GOLPH3L: variants seen among roughly 807,000 people sequenced by gnomAD.
The protein encoded by GOLPH3L is golgi phosphoprotein 3 like.
In GOLPH3L, 22 loss-of-function variants were observed where a neutral mutation model predicts 30.3. That is an observed-to-expected ratio of 0.73 (90% CI 0.52 to 1.04). The LOEUF is 1.04. Ranked by LOEUF, GOLPH3L falls within the 50% of genes least tolerant of loss-of-function variation. GOLPH3L has a pLI of 0.00. For synonymous variants in GOLPH3L, 120 were observed against 128.2 expected, an observed-to-expected ratio of 0.94 and a Z score of 0.43; for missense variants, 303 against 345.8, an observed-to-expected ratio of 0.88 and a Z score of 0.98.
chr1:150,670,914 G>A (rs949461971), intron 2 of GOLPH3L, among the ~76,000 whole-genome samples: 2 of 152,040 alleles, frequency 1.3e-5, no homozygotes, highest in Non-Finnish European at 2.9e-5. Context: ...TTACTGATGT[G>A]CATTTAGGTT....
chr1:150,684,070 G>A (rs187052163), intron 2 of GOLPH3L, among the ~76,000 whole-genome samples: 2 of 152,266 alleles, frequency 1.3e-5, no homozygotes, highest in East Asian at 3.9e-4. Context: ...CTTTTGAGAG[G>A]AGGAAATTTG....
At chr1:150,686,339 T>C (rs1571054941) in intron 2 of GOLPH3L, among the ~76,000 whole-genome samples, 1 of 152,146 alleles carries the variant, frequency 6.6e-6, no homozygotes, top group Non-Finnish European at 1.5e-5. Context: ...CTCAACCTCC[T>C]GAGTAGCTGG....
At chr1:150,658,228 G>A (rs951166351) in intron 4 of GOLPH3L, among the ~76,000 whole-genome samples, 1 of 152,192 alleles carries the variant, frequency 6.6e-6, no homozygotes, top group Non-Finnish European at 1.5e-5. Flanking sequence ...ACCCACCTGA[G>A]GGCAGATCAA....
intron 4 of GOLPH3L, among the ~76,000 whole-genome samples, chr1:150,660,744 A>C (rs1484243491): frequency 6.6e-6 from 1 of 152,208 alleles, no homozygotes; most frequent in African/African-American, 2.4e-5. Flanking sequence ...AATTCATAGA[A>C]AAAGAAAGTA....
chr1:150,671,857 A>T (rs1650653787), intron 2 of GOLPH3L, among the ~76,000 whole-genome samples: 1 of 151,606 alleles, frequency 6.6e-6, no homozygotes, highest in Admixed American at 6.6e-5. Flanking sequence ...AACTTAAAGC[A>T]TCATTAAAAA....
chr1:150,650,396 A>G (rs1391556749), intron 4 of GOLPH3L, among the ~76,000 whole-genome samples: 3 of 152,244 alleles, frequency 2.0e-5, no homozygotes, highest in Non-Finnish European at 4.4e-5. Flanking sequence ...CAAATTACCA[A>G]GCAAACAACA....
chr1:150,692,979 T>A (rs1651246699), intron 2 of GOLPH3L, among the ~76,000 whole-genome samples: 1 of 152,216 alleles, frequency 6.6e-6, no homozygotes, highest in Admixed American at 6.5e-5. Flanking sequence ...AAAGAGTATT[T>A]ATATCACCTA....
At chr1:150,667,993 T>C (rs587655046) in intron 2 of GOLPH3L, among the ~76,000 whole-genome samples, 1 of 152,306 alleles carries the variant, frequency 6.6e-6, no homozygotes, top group African/African-American at 2.4e-5. Flanking sequence ...CTCTTTGTAG[T>C]TAAGCGTTAA....
chr1:150,667,823 T>G (rs1279936004), intron 2 of GOLPH3L, among the ~76,000 whole-genome samples: 1 of 152,076 alleles, frequency 6.6e-6, no homozygotes, highest in Non-Finnish European at 1.5e-5. Context: ...CTTGATCTCC[T>G]GACCTCGTGA....
At chr1:150,696,304 G>A (rs1651352686) in intron 1 of GOLPH3L, among the ~76,000 whole-genome samples, 1 of 152,028 alleles carries the variant, frequency 6.6e-6, no homozygotes, top group African/African-American at 2.4e-5. Flanking sequence ...GCCTTGTGAA[G>A]GCCTTTAAGT....
At chr1:150,675,464 C>G (rs955413455) in intron 2 of GOLPH3L, among the ~76,000 whole-genome samples, 1 of 152,016 alleles carries the variant, frequency 6.6e-6, no homozygotes, top group Non-Finnish European at 1.5e-5. Context: ...AACCTATTTT[C>G]CCATCTCCTT....
At chr1:150,668,772 T>G (rs937773394) in intron 2 of GOLPH3L, among the ~76,000 whole-genome samples, 4 of 152,160 alleles carry the variant, frequency 2.6e-5, no homozygotes, top group Non-Finnish European at 5.9e-5. Flanking sequence ...AGCTACCTAA[T>G]TAAAGTTAAA....
intron 2 of GOLPH3L, among the ~76,000 whole-genome samples, chr1:150,665,685 A>T (rs1650484446): frequency 6.6e-6 from 1 of 152,084 alleles, no homozygotes; most frequent in Non-Finnish European, 1.5e-5. Flanking sequence ...TAGCCTCATA[A>T]ATTAGATATC....
chr1:150,683,319 G>A (rs587649548), intron 2 of GOLPH3L, among the ~76,000 whole-genome samples: 16 of 152,030 alleles, frequency 1.1e-4, no homozygotes, highest in Admixed American at 4.6e-4. Flanking sequence ...GGCGGATCAC[G>A]AGGTCAGGAG....
intron 2 of GOLPH3L, among the ~76,000 whole-genome samples, chr1:150,673,871 G>A (rs1255158770): frequency 6.8e-6 from 1 of 146,702 alleles, no homozygotes; most frequent in African/African-American, 2.5e-5. Context: ...GTTGCAGTGA[G>A]CCGAGATTGT....
At chr1:150,668,248 CA>C (rs1166520962) in intron 2 of GOLPH3L, among the ~76,000 whole-genome samples, 1 of 152,178 alleles carries the variant, frequency 6.6e-6, no homozygotes, top group African/African-American at 2.4e-5. Context: ...GTTAACCTGG[CA>C]AAAGTTCAGC....
rs1282388432 is a variant in GOLPH3L at position 150,694,807 on chromosome 1, G to C, written c.32C>G (p.Thr11Ser). ...CTTTTCAGAGTTCTTGCTTATTTCA[G>C]TGCGACGGGCCCGGTGAGTTAAAGT... MTTLTHRARR[T>S]EISKNSEKKM... The change falls in exon 2 of 5, where the codon ACT (threonine) becomes AGT (serine). Residue 11 changes from threonine (T) to serine (S), a missense_variant. By Grantham distance (58) the Thr-to-Ser change is moderately conservative (BLOSUM62 1). Coordinates refer to ENST00000271732, the MANE Select transcript of GOLPH3L (RefSeq NM_018178.6). 3.1e-6 allele frequency: 5 copies of C among 1,612,240 alleles called. No individual in the cohort carries two copies. The highest frequency in any genetic ancestry group is 4.2e-6 in the Non-Finnish European group (5 of 1,179,298).
intron 2 of GOLPH3L, among the ~76,000 whole-genome samples, chr1:150,692,202 T>C (rs1320709411): frequency 6.6e-6 from 1 of 152,208 alleles, no homozygotes; most frequent in Non-Finnish European, 1.5e-5. Flanking sequence ...TTTTTAGAGA[T>C]AGTTATGTAA....
chr1:150,655,117 A>G (rs1650212173), intron 4 of GOLPH3L, among the ~76,000 whole-genome samples: 1 of 152,224 alleles, frequency 6.6e-6, no homozygotes, highest in African/African-American at 2.4e-5. Flanking sequence ...TGGATGAATC[A>G]AATTACTGAT....
Sources: gnomAD v4.1 joint callset for allele counts (sites outside exome capture counted in the v4.1 genomes callset) on GRCh38, gnomAD v4.1.1 for gene constraint, MANE v1.5 for transcripts, NCBI Gene and HGNC (gene_info 2026-07-23, HGNC 2026-07-21) for gene names.